The following GPC6 variants were observed in gnomAD, a reference collection of about 807,000 sequenced individuals.
GPC6 encodes the protein glypican-6.
Under a neutral mutation model 55.2 loss-of-function variants are expected in GPC6, and 14 were observed. The ratio of observed to expected loss-of-function variants is 0.25; its 90% CI spans 0.17 to 0.40. The LOEUF (loss-of-function observed/expected upper bound fraction) is 0.40, where lower values mean the gene tolerates loss of function less well. Ranked by LOEUF, GPC6 falls within the 10% of genes least tolerant of loss-of-function variation. The pLI, the probability that GPC6 is intolerant of heterozygous loss-of-function variation, is 1.00. For synonymous variants in GPC6, 278 were observed against 259.6 expected (o/e 1.07, Z -0.68); for missense variants, 641 against 708.5 (o/e 0.90, Z 1.08).
At chr13:93,285,186 G>C (rs948696557) in intron 1 of GPC6, among the ~76,000 whole-genome samples, 1 of 152,114 alleles carries the variant, frequency 6.6e-6, no homozygotes, top group Non-Finnish European at 1.5e-5. Flanking sequence ...GCAATAATGC[G>C]TGCTGTTGTA....
chr13:94,252,556 T>G (rs376788589), intron 4 of GPC6, among the ~76,000 whole-genome samples: 1 of 151,774 alleles, frequency 6.6e-6, no homozygotes, highest in Admixed American at 6.6e-5. Flanking sequence ...GATGGCGAAA[T>G]AAGACACAAG....
chr13:93,509,155 G>C (rs1006301424), intron 1 of GPC6, among the ~76,000 whole-genome samples: 8 of 152,176 alleles, frequency 5.3e-5, no homozygotes, highest in Admixed American at 5.2e-4. Flanking sequence ...AAAATCATTT[G>C]AGTTATCCTT....
chr13:93,567,938 C>T (rs928036581), intron 2 of GPC6, among the ~76,000 whole-genome samples: 5 of 152,128 alleles, frequency 3.3e-5, no homozygotes, highest in Admixed American at 2.6e-4. Flanking sequence ...ATGCCAAGCT[C>T]ATAGTTTTAC....
At chr13:93,874,918 T>G (rs958701675) in intron 3 of GPC6, among the ~76,000 whole-genome samples, 18 of 152,014 alleles carry the variant, frequency 1.2e-4, no homozygotes, top group Non-Finnish European at 2.4e-4. Flanking sequence ...TGTGCTTATC[T>G]TAACGTACTT....
chr13:93,251,064 A>G (rs1425260943), intron 1 of GPC6, among the ~76,000 whole-genome samples: 1 of 152,142 alleles, frequency 6.6e-6, no homozygotes, highest in African/African-American at 2.4e-5. Flanking sequence ...ACAAAACAGT[A>G]TGGAGGAAAC....
chr13:93,626,279 C>T (rs1272109240), intron 2 of GPC6, among the ~76,000 whole-genome samples: 1 of 152,150 alleles, frequency 6.6e-6, no homozygotes, highest in Admixed American at 6.5e-5. Context: ...TTAAGGATTT[C>T]AAGACGGCCA....
At chr13:93,877,337 G>T (rs2140306572) in intron 3 of GPC6, among the ~76,000 whole-genome samples, 1 of 152,038 alleles carries the variant, frequency 6.6e-6, no homozygotes. Context: ...TAGAACATAG[G>T]TTGTTATCCA....
At chr13:94,145,767 TA>T (rs1221779633) in intron 4 of GPC6, among the ~76,000 whole-genome samples, 5 of 152,158 alleles carry the variant, frequency 3.3e-5, no homozygotes, top group African/African-American at 1.2e-4. Context: ...GTCATACTTA[TA>T]AATAAGTGAA....
chr13:93,438,111 C>T (rs117811426), intron 1 of GPC6, among the ~76,000 whole-genome samples: 89 of 152,168 alleles, frequency 5.8e-4, no homozygotes, highest in Middle Eastern at 3.4e-3. Context: ...ATTCCTGAGA[C>T]CTACTGCTCA....
chr13:93,628,024 C>T (rs1566457306), intron 2 of GPC6, among the ~76,000 whole-genome samples: 1 of 152,148 alleles, frequency 6.6e-6, no homozygotes, highest in Non-Finnish European at 1.5e-5. Context: ...AACCTGCTTC[C>T]AGCCCATCAG....
chr13:94,037,726 G>A (rs1883388863), intron 4 of GPC6, among the ~76,000 whole-genome samples: 1 of 151,856 alleles, frequency 6.6e-6, no homozygotes, highest in African/African-American at 2.4e-5. Flanking sequence ...TATTAACCAC[G>A]GTACCAATTA....
chr13:93,348,924 C>T (rs12430328), intron 1 of GPC6, among the ~76,000 whole-genome samples: 13,598 of 152,126 alleles, frequency 0.089, 673 homozygotes, highest in East Asian at 0.12. Context: ...ATAGAGAATA[C>T]ATAGGTCACT....
intron 3 of GPC6, among the ~76,000 whole-genome samples, chr13:93,952,856 A>G (rs1330754301): frequency 9.4e-6 from 1 of 106,250 alleles, no homozygotes; most frequent in Non-Finnish European, 2.1e-5. Flanking sequence ...ATATATACGT[A>G]TATATATGTA....
In GPC6 at chr13:93,459,446, A is replaced by AT. The variant is rs200908014; in HGVS notation, c.161-85810dup. On this transcript the variant is annotated intron_variant, in intron 1 of 8. Transcript: ENST00000377047. ...AGACAAAAGCATTTTTTCTGCTTAT[A>AT]TTTTTTTAAAATCATCAGTTGTCAT... Among the ~76,000 whole-genome samples the AT allele has an allele frequency of 6.7e-3, 1,024 of 152,148 alleles. 13 individuals are homozygous for AT. The highest frequency in any genetic ancestry group is 0.024 in the African/African-American group (984 of 41,532).
chr13:93,890,152 A>G (rs932733735), intron 3 of GPC6, among the ~76,000 whole-genome samples: 2 of 152,052 alleles, frequency 1.3e-5, no homozygotes, highest in Non-Finnish European at 2.9e-5. Context: ...CTGTGTCCCA[A>G]ATATTTGCTG....
At chr13:93,389,564 A>ATATG (rs1875537368) in intron 1 of GPC6, among the ~76,000 whole-genome samples, 2 of 148,468 alleles carry the variant, frequency 1.3e-5, no homozygotes, top group Admixed American at 6.6e-5. Flanking sequence ...GGTACCATTT[A>ATATG]TATGTATGTA....
intron 3 of GPC6, among the ~76,000 whole-genome samples, chr13:93,974,534 C>T (rs1220582190): frequency 6.6e-6 from 1 of 151,994 alleles, no homozygotes; most frequent in African/African-American, 2.4e-5. Flanking sequence ...TTAAAGAAAA[C>T]ATAAAATACC....
chr13:93,865,345 G>T (rs1466167160), intron 3 of GPC6, among the ~76,000 whole-genome samples: 1 of 151,678 alleles, frequency 6.6e-6, no homozygotes, highest in Non-Finnish European at 1.5e-5. Context: ...AGAGCCTTTT[G>T]CCAGGGTTCA....
intron 3 of GPC6, among the ~76,000 whole-genome samples, chr13:93,914,026 T>A (rs1444575352): frequency 2.0e-5 from 3 of 152,232 alleles, no homozygotes; most frequent in Non-Finnish European, 4.4e-5. Context: ...TTTATTCTAT[T>A]GATCTATACC....
Sources: gnomAD v4.1 joint callset for allele counts (sites outside exome capture counted in the v4.1 genomes callset) on GRCh38, gnomAD v4.1.1 for gene constraint, MANE v1.5 for transcripts, NCBI Gene and HGNC (gene_info 2026-07-23, HGNC 2026-07-21) for gene names.